Variants in EDIL3 observed in about 807,000 individuals in gnomAD.
The protein encoded by EDIL3 is EGF-like repeat and discoidin I-like domain-containing protein 3.
In EDIL3, 37 loss-of-function variants were observed where a neutral mutation model predicts 67.4. The observed-to-expected ratio is 0.55, with a 90% confidence interval of 0.42 to 0.72. The LOEUF is 0.72. EDIL3 is among the 30% of genes least tolerant of loss of function. EDIL3 has a pLI of 0.00. For synonymous variants in EDIL3, 195 were observed against 196.3 expected, an observed-to-expected ratio of 0.99 and a Z score of 0.05; for missense variants, 527 against 586.3, an observed-to-expected ratio of 0.90 and a Z score of 1.04.
At chr5:84,348,938 G>A (rs1747296873) in intron 1 of EDIL3, among the ~76,000 whole-genome samples, 2 of 152,118 alleles carry the variant, frequency 1.3e-5, no homozygotes, top group African/African-American at 4.8e-5. Flanking sequence ...AAATAAAGAA[G>A]TTTATTCAAT....
At chr5:84,269,926 G>A (rs758532850) in intron 1 of EDIL3, among the ~76,000 whole-genome samples, 8 of 152,040 alleles carry the variant, frequency 5.3e-5, no homozygotes, top group Non-Finnish European at 1.0e-4. Context: ...GTAAAGATGG[G>A]GTCACTAAAC....
intron 9 of EDIL3, among the ~76,000 whole-genome samples, chr5:83,975,267 T>C (rs1353365205): frequency 1.3e-5 from 2 of 152,034 alleles, no homozygotes; most frequent in Admixed American, 1.3e-4. Context: ...GGCTAATTTC[T>C]TTCTGCACTC....
intron 9 of EDIL3, among the ~76,000 whole-genome samples, chr5:83,990,817 T>G (rs1271876730): frequency 6.6e-6 from 1 of 150,952 alleles, no homozygotes. Flanking sequence ...GAGGTGGAGG[T>G]TGCAGTGAGA....
chr5:84,282,804 C>T (rs958209133), intron 1 of EDIL3, among the ~76,000 whole-genome samples: 7 of 152,102 alleles, frequency 4.6e-5, no homozygotes, highest in Non-Finnish European at 7.4e-5. Flanking sequence ...TTTTAGCTTG[C>T]ATTTCTCTGA....
chr5:84,049,664 A>T (rs1400241945), intron 9 of EDIL3, among the ~76,000 whole-genome samples: 1 of 152,176 alleles, frequency 6.6e-6, no homozygotes, highest in African/African-American at 2.4e-5. Context: ...TGAAAGTTAA[A>T]AACTAAAATT....
At chr5:84,118,475 G>A (rs1368611870) in intron 5 of EDIL3, among the ~76,000 whole-genome samples, 1 of 152,062 alleles carries the variant, frequency 6.6e-6, no homozygotes, top group Non-Finnish European at 1.5e-5. Flanking sequence ...ATAGTGTAGT[G>A]GTAACTTATA....
chr5:84,245,754 G>A (rs1754056801), intron 2 of EDIL3, among the ~76,000 whole-genome samples: 2 of 152,078 alleles, frequency 1.3e-5, no homozygotes, highest in Admixed American at 1.3e-4. Context: ...ATTTGCCACT[G>A]TGGCCTATCA....
chr5:84,254,310 C>T, intron 1 of EDIL3, 98 bp from the exon 2 acceptor site: 1 of 1,326,914 alleles, frequency 7.5e-7, no homozygotes, highest in Non-Finnish European at 1.0e-6. Context: ...TTGGCAAAGT[C>T]AAAAGTCAGG....
chr5:84,023,682 A>G (rs1745757773), intron 9 of EDIL3, among the ~76,000 whole-genome samples: 1 of 152,086 alleles, frequency 6.6e-6, no homozygotes, highest in Non-Finnish European at 1.5e-5. Flanking sequence ...TTGCATTGAA[A>G]TTTGAAGCTG....
chr5:84,233,948 A>T (rs1384657515), intron 2 of EDIL3, among the ~76,000 whole-genome samples: 3 of 152,168 alleles, frequency 2.0e-5, no homozygotes, highest in Non-Finnish European at 4.4e-5. Flanking sequence ...TTGTTGAGCC[A>T]CTGAATCATA....
At chr5:83,948,910 A>G (rs1744360158) in intron 10 of EDIL3, among the ~76,000 whole-genome samples, 1 of 151,806 alleles carries the variant, frequency 6.6e-6, no homozygotes, top group Non-Finnish European at 1.5e-5. Flanking sequence ...CCACTAAACC[A>G]ATGAAACTCT....
chr5:83,955,949 ATT>A (rs1744507043), intron 10 of EDIL3, among the ~76,000 whole-genome samples: 1 of 151,846 alleles, frequency 6.6e-6, no homozygotes, highest in Non-Finnish European at 1.5e-5. Context: ...AAACCTCAAA[ATT>A]AATCCTTAAA....
chr5:84,243,792 A>G (rs930901000), intron 2 of EDIL3, among the ~76,000 whole-genome samples: 1 of 152,056 alleles, frequency 6.6e-6, no homozygotes, highest in Non-Finnish European at 1.5e-5. Flanking sequence ...ATAAATATTG[A>G]TTGTTGTCTA....
At chr5:84,305,910 A>ATAGATAGATAG (rs773047328) in intron 1 of EDIL3, among the ~76,000 whole-genome samples, 78 of 148,872 alleles carry the variant, frequency 5.2e-4, no homozygotes, top group Admixed American at 4.0e-4. Context: ...TAAATAAATA[A>ATAGATAGATAG]ATAAATAAAT....
intron 6 of EDIL3, among the ~76,000 whole-genome samples, chr5:84,105,691 C>T (rs933050029): frequency 4.6e-5 from 7 of 151,966 alleles, no homozygotes; most frequent in East Asian, 3.9e-4. Flanking sequence ...ACAGCAAACT[C>T]GTACAATGAA....
At chr5:84,274,191 C>T (rs1417885714) in intron 1 of EDIL3, among the ~76,000 whole-genome samples, 4 of 152,132 alleles carry the variant, frequency 2.6e-5, no homozygotes, top group Non-Finnish European at 4.4e-5. Context: ...ACTGCAGCCT[C>T]GAACTTCCAG....
chr5:84,382,603 C>G (rs900312371), intron 1 of EDIL3, among the ~76,000 whole-genome samples: 1 of 152,066 alleles, frequency 6.6e-6, no homozygotes, highest in Non-Finnish European at 1.5e-5. Flanking sequence ...GAGGGGAGTG[C>G]CTGCAGTCCT....
chr5:83,968,878 TAA>T (rs1419139036), intron 9 of EDIL3, among the ~76,000 whole-genome samples: 1 of 151,908 alleles, frequency 6.6e-6, no homozygotes, highest in Non-Finnish European at 1.5e-5. Flanking sequence ...TTTAACATTT[TAA>T]ATTTTAATTA....
At chr5:84,351,857 C>T (rs1166862102) in intron 1 of EDIL3, among the ~76,000 whole-genome samples, 1 of 151,712 alleles carries the variant, frequency 6.6e-6, no homozygotes, top group East Asian at 1.9e-4. Context: ...CAACAACCTA[C>T]AGAATGGGAG....
Sources: allele counts gnomAD v4.1 joint callset (sites outside exome capture counted in the v4.1 genomes callset), GRCh38; gene constraint gnomAD v4.1.1; transcripts MANE v1.5; gene names NCBI Gene and HGNC (gene_info 2026-07-23, HGNC 2026-07-21).